The following TRHDE variants were observed in gnomAD, a reference collection of about 807,000 sequenced individuals.
The protein encoded by TRHDE is thyrotropin-releasing hormone-degrading ectoenzyme.
Under a neutral mutation model 125.7 loss-of-function variants are expected in TRHDE, and 72 were observed. The ratio of observed to expected loss-of-function variants is 0.57; its 90% CI spans 0.47 to 0.70. The LOEUF (loss-of-function observed/expected upper bound fraction) is 0.70. Ranked by LOEUF, TRHDE falls within the 30% of genes least tolerant of loss-of-function variation. The probability of loss-of-function intolerance (pLI) is 0.00; values close to 1 mark genes in which losing one functional copy is unlikely to be tolerated. For missense variants in TRHDE, 1,110 were observed against 1,327.1 expected (o/e 0.84, Z 2.54); for synonymous variants, 509 against 509.1 (o/e 1.00, Z 0.00).
chr12:72,490,965 C>T lies in TRHDE; in HGVS notation c.1585-8533C>T, dbSNP rs200536616. On this transcript the variant is annotated intron_variant, in intron 5 of 18. Coordinates refer to ENST00000261180, the MANE Select transcript of TRHDE (RefSeq NM_013381.3). ...TGTCTGTGATTCATGCTAAATGAGT[C>T]GATTTTAGCTGCTCTTGCCACAAAA... Among the ~76,000 whole-genome samples the T allele has an allele frequency of 5.7e-5, 8 of 139,888 alleles. No individual in the cohort carries two copies. The East Asian group carries it at 6.2e-4, about 11-fold the overall frequency. The allele number at this position is 139,888 out of a possible 152,430, so 91.8% of individuals were successfully genotyped here. A position where few individuals can be genotyped will look rare whatever the true frequency, so the allele number is the denominator to read the frequency against.
chr12:72,382,827 T>C (rs549725244), intron 3 of TRHDE, among the ~76,000 whole-genome samples: 1 of 152,350 alleles, frequency 6.6e-6, no homozygotes, highest in Non-Finnish European at 1.5e-5. Context: ...TCTCCCTGAA[T>C]TCTTTTTTAT....
At chr12:72,512,574 AATC>A (rs1005328282) in intron 6 of TRHDE, among the ~76,000 whole-genome samples, 8 of 141,006 alleles carry the variant, frequency 5.7e-5, no homozygotes, top group African/African-American at 2.1e-4. Context: ...TATAATATAT[AATC>A]ATATAATAAT....
intron 2 of TRHDE, among the ~76,000 whole-genome samples, chr12:72,199,246 T>C (rs11835498): frequency 0.034 from 5,205 of 152,220 alleles, 160 homozygotes; most frequent in African/African-American, 0.082. Context: ...TATTATTTCA[T>C]TTAAAATCAC....
At chr12:72,540,708 T>C (rs558323670) in intron 6 of TRHDE, among the ~76,000 whole-genome samples, 1 of 151,736 alleles carries the variant, frequency 6.6e-6, no homozygotes, top group African/African-American at 2.4e-5. Flanking sequence ...AGCTGATATG[T>C]TCTAAAGGGA....
At chr12:72,231,760 C>T (rs1322517277) in intron 2 of TRHDE, among the ~76,000 whole-genome samples, 2 of 152,262 alleles carry the variant, frequency 1.3e-5, no homozygotes, top group African/African-American at 4.8e-5. Context: ...GATTAGGAAG[C>T]ACCACTTCAG....
intron 7 of TRHDE, among the ~76,000 whole-genome samples, chr12:72,554,370 T>A (rs371877266): frequency 6.6e-6 from 1 of 152,222 alleles, no homozygotes; most frequent in African/African-American, 2.4e-5. Flanking sequence ...CTACATTATG[T>A]ACATTTTTCA....
At chr12:72,327,648 G>C (rs1869401354) in intron 2 of TRHDE, among the ~76,000 whole-genome samples, 1 of 151,996 alleles carries the variant, frequency 6.6e-6, no homozygotes, top group African/African-American at 2.4e-5. Flanking sequence ...GATTTTTTTA[G>C]GAAATTTTAT....
intron 2 of TRHDE, among the ~76,000 whole-genome samples, chr12:72,206,767 C>G (rs2139358635): frequency 6.6e-6 from 1 of 151,934 alleles, no homozygotes; most frequent in East Asian, 1.9e-4. Flanking sequence ...AATTATATTG[C>G]TTTGTGTGTA....
chr12:72,600,367 T>C (rs913638857), intron 12 of TRHDE, among the ~76,000 whole-genome samples: 1 of 152,114 alleles, frequency 6.6e-6, no homozygotes, highest in African/African-American at 2.4e-5. Flanking sequence ...TTTAATGATA[T>C]CGATTCTTCC....
intron 3 of TRHDE, 64 bp downstream of exon 3, chr12:72,378,185 GTTTA>G (rs1186785752): frequency 7.0e-7 from 1 of 1,428,796 alleles, no homozygotes; most frequent in African/African-American, 1.4e-5. Flanking sequence ...TTCTTCATGT[GTTTA>G]TTTGAGCCAT....
intron 5 of TRHDE, among the ~76,000 whole-genome samples, chr12:72,480,721 G>A (rs1012661548): frequency 2.6e-5 from 4 of 151,980 alleles, no homozygotes; most frequent in Non-Finnish European, 5.9e-5. Context: ...TAGAAATACC[G>A]AGGGGAAAAT....
rs921370945 is a variant in TRHDE at position 72,394,717 on chromosome 12, G to A, written c.1315+16596G>A. On this transcript the variant is annotated intron_variant, in intron 3 of 18. Transcript: ENST00000261180. ...GGCAATTTTCCCTTTACATCTTGCAGCATACAAGCCTACAAGTGGTATAGG... is the reference window on the plus strand; with the variant it reads ...GGCAATTTTCCCTTTACATCTTGCAACATACAAGCCTACAAGTGGTATAGG... Among the ~76,000 whole-genome samples the A allele has an allele frequency of 2.0e-5, 3 of 152,270 alleles. 1 individual carries two copies. The highest frequency in any genetic ancestry group is 4.8e-5 in the African/African-American group (2 of 41,552).
chr12:72,286,827 C>T lies in TRHDE; in HGVS notation c.1061C>T (p.Ser354Phe). ...TTATCTAATATGCCAGTGGAAACTT[C>T]CGTGTTTGAGGAAGATGGATGGGTT... ...LSLSNMPVET[S>F]VFEEDGWVTD... The change falls in exon 2 of 19, where the codon TCC becomes TTC. Residue 354 changes from serine (S) to phenylalanine (F), a missense_variant. Around this residue, in one of 5 missense-constraint regions of TRHDE, gnomAD observed 252 missense variants for 274.8 expected, o/e 0.92. Coordinates refer to ENST00000261180, the MANE Select transcript of TRHDE (RefSeq NM_013381.3). 6.2e-7 allele frequency: 1 copy of T among 1,613,754 alleles called. No individual in the cohort carries two copies. The highest frequency in any genetic ancestry group is 2.2e-5 in the East Asian group (1 of 44,850).
upstream of TRHDE, chr12:72,272,147 G>A (rs1473962982): frequency 2.2e-6 from 1 of 457,414 alleles, no homozygotes; most frequent in Non-Finnish European, 4.4e-6. This position sits in a 1 kb window ranked among gnomAD's most constrained non-coding sequence, Gnocchi z 6.7. Flanking sequence ...TCCACCCAGA[G>A]GACCGAACGC....
chr12:72,116,632 T>C (rs1396852330), intron 2 of TRHDE, among the ~76,000 whole-genome samples: 1 of 152,064 alleles, frequency 6.6e-6, no homozygotes, highest in Non-Finnish European at 1.5e-5. Context: ...ATTTTTTTCA[T>C]ATATTTGTTG....
chr12:72,352,234 A>T (rs1169993054), intron 2 of TRHDE, among the ~76,000 whole-genome samples: 1 of 150,058 alleles, frequency 6.7e-6, no homozygotes, highest in Non-Finnish European at 1.5e-5. Context: ...ATTTGTTGGG[A>T]GAGAAAAAAA....
chr12:72,423,226 T>C (rs767960688), intron 3 of TRHDE, among the ~76,000 whole-genome samples: 16 of 152,222 alleles, frequency 1.1e-4, no homozygotes, highest in Non-Finnish European at 1.8e-4. Context: ...ACACATTTAA[T>C]AACTAGGCTA....
intron 2 of TRHDE, among the ~76,000 whole-genome samples, chr12:72,326,568 T>A (rs1592546383): frequency 1.3e-5 from 2 of 151,996 alleles, no homozygotes; most frequent in Non-Finnish European, 1.5e-5. Context: ...AAGTAAAATT[T>A]AAAAAAATAG....
Position 72,273,050 on chromosome 12 carries a change from G to T in TRHDE, c.407G>T (p.Ser136Ile). 1.3e-6 allele frequency: 2 copies of T among 1,536,834 alleles called. No homozygotes were observed. Among genetic ancestry groups the T allele is most frequent in the East Asian group, 2.4e-5 (1 of 41,038 alleles). ...SGFPERGGNG[S>I]LPGSARRNHH... ...TTTCCGGAGCGCGGCGGCAACGGGA[G>T]CCTCCCTGGATCGGCCCGGCGCAAC... Residue 136 changes from serine (S) to isoleucine (I), a missense_variant, in exon 1 of 19, where the codon AGC becomes ATC. Physicochemically the swap from Ser to Ile is moderately radical, Grantham distance 142. Transcript: ENST00000261180. The surrounding 1 kb of genome is among the most constrained non-coding windows in gnomAD (Gnocchi z 5.3).
Sources: allele counts gnomAD v4.1 joint callset (sites outside exome capture counted in the v4.1 genomes callset), GRCh38; gene constraint gnomAD v4.1.1; regional missense constraint gnomAD v4.1.1; non-coding constraint Gnocchi (gnomAD v3.1); transcripts MANE v1.5; gene names NCBI Gene and HGNC (gene_info 2026-07-23, HGNC 2026-07-21).